Variants in KDM6B observed in about 807,000 individuals in gnomAD.
KDM6B encodes the protein lysine demethylase 6B.
Under a neutral mutation model 150.4 loss-of-function variants are expected in KDM6B, and 22 were observed. The observed-to-expected ratio is 0.15, with a 90% CI of 0.10 to 0.21. KDM6B has a LOEUF of 0.21. Ranked by LOEUF, KDM6B falls within the 10% of genes least tolerant of loss-of-function variation. KDM6B has a pLI of 1.00. For synonymous variants in KDM6B, 1,148 were observed against 921.1 expected (o/e 1.25, Z -4.46); for missense variants, 1,984 against 2,234.3 (o/e 0.89, Z 2.26).
chr17:7,853,680 A>G lies in KDM6B; in HGVS notation c.*159A>G, dbSNP rs1464768742. 2 of 360,268 alleles carry G rather than the reference A, an allele frequency of 5.6e-6. No individual in the cohort carries two copies. The highest frequency in any genetic ancestry group is 8.8e-6 in the Non-Finnish European group (2 of 226,218). 22.3% of individuals were successfully genotyped at this position (360,268 alleles called of 1,614,324 possible). ...CCCCTCACTTAATTTATTAAGAAAAACTTTTTTTTTTTTTTTAGCAAATAT... is the reference window on the plus strand; with the variant it reads ...CCCCTCACTTAATTTATTAAGAAAAGCTTTTTTTTTTTTTTTAGCAAATAT... On this transcript the variant is annotated 3_prime_UTR_variant, in exon 24 of 24. Transcript: ENST00000448097.
intron 21 of KDM6B, 76 bp downstream of exon 21, chr17:7,852,712 CCA>C (rs34657739): frequency 0.11 from 168,090 of 1,582,596 alleles, 9,959 homozygotes; most frequent in Admixed American, 0.16. Flanking sequence ...TGACTCCACC[CCA>C]TTTTTACCTC....
At chr17:7,842,690 C>T (rs1003427090) in intron 2 of KDM6B, among the ~76,000 whole-genome samples, 1 of 152,106 alleles carries the variant, frequency 6.6e-6, no homozygotes, top group African/African-American at 2.4e-5. Flanking sequence ...GGAAATTCCG[C>T]GGGACCGGTG....
intron 1 of KDM6B, among the ~76,000 whole-genome samples, 86 bp downstream of exon 1, chr17:7,834,436 AGCTGGGG>A (rs1221308086): frequency 2.0e-5 from 3 of 151,966 alleles, no homozygotes; most frequent in Non-Finnish European, 4.4e-5. Context: ...GGAGGGGTAG[AGCTGGGG>A]ATGGACGTTT....
intron 2 of KDM6B, among the ~76,000 whole-genome samples, chr17:7,841,884 C>T (rs1032519654): frequency 1.3e-5 from 2 of 152,138 alleles, no homozygotes; most frequent in African/African-American, 4.8e-5. Context: ...AGCCGGCGGC[C>T]CTCCCCTCCG....
chr17:7,845,022 TAAGC>T lies in KDM6B; in HGVS notation c.-149+3_-149+6del. ...TGAGGACGCTCCCACGGAGGCCGGG[TAAGC>T]GGCCGCTGCGTTTTGGGTCGGCCCA... On this transcript the variant is annotated splice_donor_5th_base_variant and intron_variant, in intron 3 of 23. Coordinates refer to ENST00000448097, the MANE Select transcript of KDM6B (RefSeq NM_001348716.2). 13 of 187,880 alleles carry T rather than the reference TAAGC, an allele frequency of 6.9e-5. No homozygotes were observed. Among genetic ancestry groups the T allele is most frequent in the South Asian group, 5.4e-4 (6 of 11,060 alleles). The allele number at this position is 187,880 out of a possible 1,614,324, so 11.6% of individuals were successfully genotyped here.
At chr17:7,842,289 T>G (rs926722930) in intron 2 of KDM6B, among the ~76,000 whole-genome samples, 1 of 152,030 alleles carries the variant, frequency 6.6e-6, no homozygotes, top group East Asian at 1.9e-4. Context: ...GAGCTGGGCT[T>G]CGCCGGGAGT....
Position 7,846,062 on chromosome 17 carries a change from C to A in KDM6B, c.237-16C>A. On this transcript the variant is annotated splice_polypyrimidine_tract_variant and intron_variant, in intron 6 of 23. Coordinates refer to ENST00000448097, the MANE Select transcript of KDM6B (RefSeq NM_001348716.2). ...GCCCAACCCCCACCCACACCCCCAC[C>A]CCTTCTGCTCTGTAGGGCGCCCACT... is the stretch of plus-strand genomic sequence containing the variant. 1.9e-6 allele frequency: 3 copies of A among 1,572,740 alleles called. No individual in the cohort carries two copies. Among genetic ancestry groups the A allele is most frequent in the East Asian group, 2.3e-5 (1 of 43,336 alleles).
At chr17:7,841,172 G>C (rs1319347315) in intron 2 of KDM6B, among the ~76,000 whole-genome samples, 1 of 152,202 alleles carries the variant, frequency 6.6e-6, no homozygotes, top group South Asian at 2.1e-4. Context: ...AGAAATGCTT[G>C]TAAAATACTT....
chr17:7,842,233 G>T (rs1367823178), intron 2 of KDM6B, among the ~76,000 whole-genome samples: 1 of 152,052 alleles, frequency 6.6e-6, no homozygotes. Context: ...GCGGGGGGTA[G>T]GGGGTCGGTT....
chr17:7,847,531 C>T lies in KDM6B; in HGVS notation c.1258-15C>T. 16 of 1,612,130 alleles carry T rather than the reference C, an allele frequency of 9.9e-6. No homozygotes were observed. The highest frequency in any genetic ancestry group is 1.4e-5 in the Non-Finnish European group (16 of 1,179,532). On this transcript the variant is annotated splice_polypyrimidine_tract_variant and intron_variant, in intron 11 of 23. Transcript: ENST00000448097. ...GCCCGAGCAATGCTCCTACCACCTG[C>T]TTCTACACTTGCAGCCCGGCGCTGA...
chr17:7,845,244 C>A, intron 3 of KDM6B, 70 bp from the exon 4 acceptor site: 3 of 527,178 alleles, frequency 5.7e-6, no homozygotes, highest in Non-Finnish European at 1.0e-5. Context: ...TGCCACAGTC[C>A]GCCCATCCCA....
chr17:7,848,035 C>G lies in KDM6B; in HGVS notation c.1747C>G (p.Pro583Ala). The G allele has an allele frequency of 6.2e-7, 1 of 1,611,856 alleles. No homozygotes were observed. The highest frequency in any genetic ancestry group is 8.5e-7 in the Non-Finnish European group (1 of 1,178,980). Residue 583 changes from proline (P) to alanine (A), a missense_variant, in exon 12 of 24, where the codon CCC becomes GCC. Physicochemically the swap from Pro to Ala is conservative, Grantham distance 27 (BLOSUM62 -1). This residue lies in a region of KDM6B where 1,379 missense variants were observed against 1,275.6 expected (regional missense o/e 1.08). Coordinates refer to ENST00000448097, the MANE Select transcript of KDM6B (RefSeq NM_001348716.2). Reference protein sequence around the residue: ...PPPYLARSIDPLPRPPSPAQN... With the variant: ...PPPYLARSIDALPRPPSPAQN... ...ACCCTATCTGGCCAGAAGTATAGAC[C>G]CCCTTCCCCGGCCTCCCAGCCCAGC...
chr17:7,852,480 G>C lies in KDM6B; in HGVS notation c.4469-15G>C. 3 of 1,613,788 alleles carry C rather than the reference G, an allele frequency of 1.9e-6. No individual in the cohort carries two copies. The highest frequency in any genetic ancestry group is 1.7e-6 in the Non-Finnish European group (2 of 1,180,034). On this transcript the variant is annotated splice_polypyrimidine_tract_variant and intron_variant, in intron 20 of 23. Transcript: ENST00000448097. ...GCTGTTTGAGAGTCCTGTTGTGATC[G>C]CCTTTGGCCCGCAGCCTATCAGTAC...
At chr17:7,841,657 C>A (rs1265424269) in intron 2 of KDM6B, among the ~76,000 whole-genome samples, 1 of 152,234 alleles carries the variant, frequency 6.6e-6, no homozygotes, top group Admixed American at 6.5e-5. Flanking sequence ...CGGAGACAGA[C>A]ACCGGGACCC....
In KDM6B at chr17:7,845,861, T is replaced by C. The variant is rs1447792983; in HGVS notation, c.138-11T>C. 7.4e-6 allele frequency: 12 copies of C among 1,611,844 alleles called. No homozygotes were observed. Among genetic ancestry groups the C allele is most frequent in the East Asian group, 2.2e-5 (1 of 44,866 alleles). ...TTTTTGCCGTATATAACAGACTCCT[T>C]CTCTCTCCAGATGCTCAGCCAGCAT... On this transcript the variant is annotated splice_polypyrimidine_tract_variant and intron_variant, in intron 5 of 23. Transcript: ENST00000448097.
intron 2 of KDM6B, among the ~76,000 whole-genome samples, chr17:7,842,079 C>A (rs997241402): frequency 3.3e-5 from 5 of 152,238 alleles, no homozygotes; most frequent in African/African-American, 1.2e-4. Context: ...CTGGCCGTCA[C>A]GTGAGTTTGC....
At chr17:7,841,709 C>T (rs1481831948) in intron 2 of KDM6B, among the ~76,000 whole-genome samples, 1 of 152,210 alleles carries the variant, frequency 6.6e-6, no homozygotes, top group Admixed American at 6.5e-5. Flanking sequence ...GAACACAGCG[C>T]CCAGTCAGAG....
intron 2 of KDM6B, among the ~76,000 whole-genome samples, chr17:7,841,956 G>C (rs1410001829): frequency 6.6e-6 from 1 of 152,240 alleles, no homozygotes; most frequent in East Asian, 1.9e-4. Flanking sequence ...GGCGTGATGA[G>C]GACGGGCAGG....
Position 7,851,124 on chromosome 17 carries a change from G to C in KDM6B, c.3777G>C (p.Leu1259=), listed in dbSNP as rs2078684332. 1.9e-6 allele frequency: 3 copies of C among 1,613,728 alleles called. No individual in the cohort carries two copies. Among genetic ancestry groups the C allele is most frequent in the African/African-American group, 2.7e-5 (2 of 74,928 alleles). ...VQQPSDENWD[L]TGTRQIWPCE... ...AGCCCTCAGATGAGAACTGGGATCT[G>C]ACAGGCACTCGGCAGATCTGGCCTT... is the stretch of plus-strand genomic sequence containing the variant. Residue 1259 remains leucine (L), a synonymous_variant, in exon 15 of 24, where the codon CTG becomes CTC. Coordinates refer to ENST00000448097, the MANE Select transcript of KDM6B (RefSeq NM_001348716.2).
Sources: gnomAD v4.1 joint callset for allele counts (sites outside exome capture counted in the v4.1 genomes callset) on GRCh38, gnomAD v4.1.1 for gene constraint, gnomAD v4.1.1 regional missense constraint, MANE v1.5 for transcripts, NCBI Gene and HGNC (gene_info 2026-07-23, HGNC 2026-07-21) for gene names.